HELZ: variants seen among roughly 807,000 people sequenced by gnomAD.
HELZ encodes ATP-dependent RNA helicase with zinc finger domain.
HELZ carries 23 observed loss-of-function variants against 218.2 expected under a neutral mutation model. The ratio of observed to expected loss-of-function variants is 0.11; its 90% CI spans 0.08 to 0.15. The LOEUF (loss-of-function observed/expected upper bound fraction) is 0.15, where lower values mean the gene tolerates loss of function less well. Among genes scored for constraint, HELZ ranks in the 10% least tolerant of loss-of-function variants. HELZ has a pLI of 1.00. For missense variants in HELZ, 1,813 were observed against 2,353.7 expected, an observed-to-expected ratio of 0.77 and a Z score of 4.75; for synonymous variants, 814 against 829.4, an observed-to-expected ratio of 0.98 and a Z score of 0.32.
chr17:67,197,163 C>T (rs1212192832), intron 7 of HELZ, among the ~76,000 whole-genome samples: 1 of 152,110 alleles, frequency 6.6e-6, no homozygotes, highest in African/African-American at 2.4e-5. Flanking sequence ...GGGGCAATTT[C>T]CCCCATATCG....
intron 1 of HELZ, among the ~76,000 whole-genome samples, chr17:67,244,362 C>T (rs1236796435): frequency 6.6e-6 from 1 of 152,128 alleles, no homozygotes; most frequent in African/African-American, 2.4e-5. Flanking sequence ...ATCAGAGGAC[C>T]CTGGCTTCCA....
At chr17:67,222,839 C>T (rs544659434) in intron 3 of HELZ, among the ~76,000 whole-genome samples, 27 of 152,204 alleles carry the variant, frequency 1.8e-4, no homozygotes, top group Admixed American at 5.2e-4. Context: ...AGGCCAGCTC[C>T]CAGATACACT....
chr17:67,140,602 C>T (rs565776223), intron 21 of HELZ, among the ~76,000 whole-genome samples: 1 of 152,232 alleles, frequency 6.6e-6, no homozygotes, highest in African/African-American at 2.4e-5. Flanking sequence ...CAATTAAGCT[C>T]ACCAACATGC....
intron 13 of HELZ, among the ~76,000 whole-genome samples, chr17:67,171,736 T>C (rs2039316564): frequency 6.6e-6 from 1 of 152,160 alleles, no homozygotes; most frequent in African/African-American, 2.4e-5. Context: ...CCATTGCAAC[T>C]ATAATAATCA....
At chr17:67,229,761 G>C (rs2040986957) in intron 3 of HELZ, among the ~76,000 whole-genome samples, 1 of 152,154 alleles carries the variant, frequency 6.6e-6, no homozygotes, top group Admixed American at 6.5e-5. Flanking sequence ...TAGTCCTATA[G>C]TATACACAGG....
At chr17:67,148,781 T>TA (rs1239253820) in intron 19 of HELZ, 67 bp from the exon 20 acceptor site, 9 of 1,447,736 alleles carry the variant, frequency 6.2e-6, no homozygotes, top group Non-Finnish European at 8.4e-6. Context: ...AACCTACTTA[T>TA]AAAAAATCCA....
rs753711814 is a variant in HELZ at position 67,160,249 on chromosome 17, TAA to T, written c.2177+10_2177+11del. On this transcript the variant is annotated intron_variant, in intron 17 of 32. Transcript: ENST00000358691. ...TATGATACAGATACATAATAAGCCT[TAA>T]AAAAAATACCTGAGAGGTCTTGCCT... The T allele has an allele frequency of 6.8e-7, 1 of 1,475,960 alleles. No individual in the cohort carries two copies. The allele number at this position is 1,475,960 out of a possible 1,614,324, so 91.4% of individuals were successfully genotyped here.
At chr17:67,113,320 C>T (rs1246947986) in intron 28 of HELZ, among the ~76,000 whole-genome samples, 1 of 151,778 alleles carries the variant, frequency 6.6e-6, no homozygotes, top group Non-Finnish European at 1.5e-5. Context: ...AGTGCAGTGG[C>T]GTGATCTTGG....
chr17:67,196,715 C>T (rs1313041806), intron 7 of HELZ, among the ~76,000 whole-genome samples: 3 of 152,052 alleles, frequency 2.0e-5, no homozygotes, highest in African/African-American at 7.3e-5. Context: ...ACTTTAAATG[C>T]AATGGGCCCA....
intron 24 of HELZ, among the ~76,000 whole-genome samples, chr17:67,127,442 A>G (rs899073749): frequency 1.9e-4 from 29 of 152,252 alleles, no homozygotes; most frequent in African/African-American, 7.0e-4. Flanking sequence ...TTTTTATTAA[A>G]CTAAGAATAT....
Position 67,108,392 on chromosome 17 carries a change from C to A in HELZ, c.4724+100G>T. 1 of 854,708 alleles carries A rather than the reference C, an allele frequency of 1.2e-6. No homozygotes were observed. Among genetic ancestry groups the A allele is most frequent in the Non-Finnish European group, 1.9e-6 (1 of 530,954 alleles). 52.9% of individuals were successfully genotyped at this position (854,708 alleles called of 1,614,324 possible). On this transcript the variant is annotated intron_variant, in intron 30 of 32. Transcript: ENST00000358691. The surrounding 1 kb of genome is among the most constrained non-coding windows in gnomAD (Gnocchi z 4.1). ...CTTGGAAGGCCAGCATCCAATTTCTCTGAGGCAATATTCCAGCTTGAAGCT... is the reference window on the plus strand; with the variant it reads ...CTTGGAAGGCCAGCATCCAATTTCTATGAGGCAATATTCCAGCTTGAAGCT...
chr17:67,157,099 C>T (rs77385103), intron 17 of HELZ, among the ~76,000 whole-genome samples: 1 of 152,178 alleles, frequency 6.6e-6, no homozygotes, highest in Non-Finnish European at 1.5e-5. Context: ...CCTTCCACCA[C>T]GATTGTAGCT....
At chr17:67,194,376 G>A (rs1012547197) in intron 8 of HELZ, among the ~76,000 whole-genome samples, 3 of 152,110 alleles carry the variant, frequency 2.0e-5, no homozygotes, top group Non-Finnish European at 2.9e-5. Flanking sequence ...GGCATGGGAT[G>A]TTTGTCTATC....
chr17:67,225,849 C>T (rs1008869434), intron 3 of HELZ, among the ~76,000 whole-genome samples: 36 of 152,030 alleles, frequency 2.4e-4, no homozygotes, highest in African/African-American at 8.7e-4. Context: ...TAAATTTTAT[C>T]AAAATTAAAC....
At position 67,108,826 on chromosome 17, in the gene HELZ, G is replaced by A. The variant is rs1218999370; in HGVS notation, c.4490-100C>T. On this transcript the variant is annotated intron_variant, in intron 29 of 32. Coordinates refer to ENST00000358691, the MANE Select transcript of HELZ (RefSeq NM_014877.4). This position sits in a 1 kb window ranked among gnomAD's most constrained non-coding sequence, Gnocchi z 4.1. ...TATTTTCTCCACAAAGACAAAGGAC[G>A]TAGCTACAAATTTGGTTTTGGTAAG... 3.3e-5 allele frequency: 32 copies of A among 961,868 alleles called. No individual in the cohort carries two copies. The highest frequency in any genetic ancestry group is 2.9e-5 in the Non-Finnish European group (19 of 662,052). The allele number at this position is 961,868 out of a possible 1,614,324, so 59.6% of individuals were successfully genotyped here.
intron 15 of HELZ, among the ~76,000 whole-genome samples, chr17:67,162,951 C>T (rs2039032827): frequency 6.6e-6 from 1 of 152,162 alleles, no homozygotes; most frequent in African/African-American, 2.4e-5. Context: ...GACCACATAT[C>T]TCTAGGCTGA....
At position 67,075,729 on chromosome 17, in the gene HELZ, G is replaced by A. The variant is rs1448927937; in HGVS notation, c.*2523C>T. 3.9e-5 allele frequency: 6 copies of A among 152,296 alleles called. No individual in the cohort carries two copies. In the South Asian group the frequency reaches 6.2e-4, roughly 16 times the overall value. 9.4% of individuals were successfully genotyped at this position (152,296 alleles called of 1,614,324 possible). ...GTAAGCTTGTTGTAAGTCAAAATAA[G>A]CATTTGATGCAGAATCTAAGAAGAG... is the stretch of plus-strand genomic sequence containing the variant. On this transcript the variant is annotated 3_prime_UTR_variant, in exon 33 of 33. Transcript: ENST00000358691.
At chr17:67,125,043 T>A (rs2037738725) in intron 24 of HELZ, among the ~76,000 whole-genome samples, 1 of 151,458 alleles carries the variant, frequency 6.6e-6, no homozygotes, top group Non-Finnish European at 1.5e-5. Context: ...AAAAAATCAT[T>A]CTTGACAAAA....
At chr17:67,144,531 G>A (rs1264457093) in intron 21 of HELZ, among the ~76,000 whole-genome samples, 3 of 150,126 alleles carry the variant, frequency 2.0e-5, no homozygotes, top group South Asian at 2.1e-4. Flanking sequence ...TCCATGAACC[G>A]GCACCTTATT....
Sources: gnomAD v4.1 joint callset for allele counts (sites outside exome capture counted in the v4.1 genomes callset) on GRCh38, gnomAD v4.1.1 for gene constraint, Gnocchi (gnomAD v3.1) non-coding constraint, MANE v1.5 for transcripts, NCBI Gene and HGNC (gene_info 2026-07-23, HGNC 2026-07-21) for gene names.